LRRK1: variants seen among roughly 807,000 people sequenced by gnomAD.
LRRK1 encodes the protein leucine rich repeat kinase 1.
LRRK1 carries 113 observed loss-of-function variants against 209.1 expected under a neutral mutation model. The ratio of observed to expected loss-of-function variants is 0.54; its 90% CI spans 0.46 to 0.63. LRRK1 has a LOEUF of 0.63. LRRK1 is among the 30% of genes least tolerant of loss of function. The pLI is 0.00. For missense variants in LRRK1, 2,284 were observed against 2,632.2 expected (o/e 0.87, Z 2.89); for synonymous variants, 1,144 against 1,099.7 (o/e 1.04, Z -0.80).
rs1242827493 is a variant in LRRK1 at position 101,014,321 on chromosome 15, C to T, written c.1425C>T (p.Leu475=). 3 of 1,610,664 alleles carry T rather than the reference C, an allele frequency of 1.9e-6. No individual in the cohort carries two copies. The highest frequency in any genetic ancestry group is 2.2e-5 in the East Asian group (1 of 44,858). The change falls in exon 11 of 34, where the codon CTC becomes CTT. Residue 475 remains leucine, a synonymous_variant. Transcript: ENST00000388948. ...TCCCTCCCTCTCTCTCTCAGGCCCT[C>T]ATGTTCTTGAGGTTACAGGGGAACC... The part of the protein sequence containing the change: ...VPLGLFQLDA[L]MFLRLQGNQL...
At chr15:100,930,695 T>G (rs2042196097) in intron 2 of LRRK1, among the ~76,000 whole-genome samples, 1 of 152,116 alleles carries the variant, frequency 6.6e-6, no homozygotes, top group Non-Finnish European at 1.5e-5. Context: ...CTGGCCCCCA[T>G]GAAGAGATCA....
At chr15:100,973,520 G>A (rs868232243) in intron 2 of LRRK1, among the ~76,000 whole-genome samples, 29 of 152,204 alleles carry the variant, frequency 1.9e-4, no homozygotes, top group Middle Eastern at 6.8e-3. Flanking sequence ...CCGCTCCCCC[G>A]CGGGCCGCTG....
At position 100,996,108 on chromosome 15, in the gene LRRK1, G is replaced by T. The variant is rs1020457284; in HGVS notation, c.762+6710G>T. ...GTGCTCATGAGAGTGCCTGATGGCT[G>T]GGGGCTGGTGGCCTTTCCTGAGGGA... On this transcript the variant is annotated intron_variant, in intron 6 of 33. Coordinates refer to ENST00000388948, the MANE Select transcript of LRRK1 (RefSeq NM_024652.6). Among the ~76,000 whole-genome samples the T allele has an allele frequency of 3.3e-4, 50 of 152,218 alleles. 2 individuals carry two copies.
intron 10 of LRRK1, 43 bp from the exon 11 acceptor site, chr15:101,014,271 ATC>A: frequency 7.3e-7 from 1 of 1,367,898 alleles, no homozygotes; most frequent in Non-Finnish European, 1.0e-6. Flanking sequence ...CCCTTCTTGT[ATC>A]TGATGCTATC....
chr15:101,049,596 C>T lies in LRRK1; in HGVS notation c.3300-48C>T, dbSNP rs201469343. ...GGGGGTAGGGATATCATCCCAGGGT[C>T]CCCCAGAGCCAGATCGCAATGGGCT... On this transcript the variant is annotated intron_variant, in intron 22 of 33. Transcript: ENST00000388948. 7.5e-6 allele frequency: 12 copies of T among 1,591,930 alleles called. No individual in the cohort carries two copies. The South Asian group carries it at 9.2e-5, about 12-fold the overall frequency.
At chr15:100,936,471 A>C (rs2042301610) in intron 2 of LRRK1, among the ~76,000 whole-genome samples, 1 of 152,248 alleles carries the variant, frequency 6.6e-6, no homozygotes, top group East Asian at 1.9e-4. Flanking sequence ...AATAGGCTTT[A>C]TTAAGAGAAA....
intron 2 of LRRK1, among the ~76,000 whole-genome samples, chr15:100,926,781 TTC>T (rs2042124016): frequency 6.8e-6 from 1 of 147,904 alleles, no homozygotes; most frequent in Non-Finnish European, 1.5e-5. Flanking sequence ...ACCTCCCAGG[TTC>T]AAGTGATTCT....
intron 24 of LRRK1, among the ~76,000 whole-genome samples, chr15:101,052,517 A>C (rs1180109347): frequency 6.6e-6 from 1 of 152,158 alleles, no homozygotes; most frequent in Non-Finnish European, 1.5e-5. Context: ...GGACCCCTCA[A>C]ATCTGTTCTT....
chr15:101,057,328 G>C (rs1476764031), intron 28 of LRRK1, among the ~76,000 whole-genome samples: 9 of 152,176 alleles, frequency 5.9e-5, no homozygotes, highest in Non-Finnish European at 1.5e-5. Flanking sequence ...TAACAATACA[G>C]TCCCTATGCA....
chr15:100,987,348 A>G (rs536360413), intron 4 of LRRK1, among the ~76,000 whole-genome samples: 3 of 152,296 alleles, frequency 2.0e-5, no homozygotes, highest in Admixed American at 2.0e-4. Flanking sequence ...GTGTCCCTGC[A>G]GAAGATGAGG....
intron 6 of LRRK1, among the ~76,000 whole-genome samples, chr15:101,006,235 C>G (rs1457374013): frequency 6.6e-6 from 1 of 152,128 alleles, no homozygotes; most frequent in African/African-American, 2.4e-5. Flanking sequence ...AAATAGCTAA[C>G]TTTAATCTAA....
In LRRK1 at chr15:100,919,474, C is replaced by A. The variant is rs1306001823; in HGVS notation, c.-123+23C>A. 2 of 147,530 alleles carry A rather than the reference C, an allele frequency of 1.4e-5. No individual in the cohort carries two copies. The highest frequency in any genetic ancestry group is 3.0e-5 in the Non-Finnish European group (2 of 66,074). The allele number at this position is 147,530 out of a possible 1,614,324, so 9.1% of individuals were successfully genotyped here. A position where few individuals can be genotyped will look rare whatever the true frequency, so the allele number is the denominator to read the frequency against. On this transcript the variant is annotated intron_variant, in intron 1 of 33. Coordinates refer to ENST00000388948, the MANE Select transcript of LRRK1 (RefSeq NM_024652.6). The surrounding 1 kb of genome is among the most constrained non-coding windows in gnomAD (Gnocchi z 5.8). ...CAGGTAAGCGCCGCTCCTGCCGGCGCCCCCCGGCGGCCTGGCTGCCTCCCG... is the reference window on the plus strand; with the variant it reads ...CAGGTAAGCGCCGCTCCTGCCGGCGACCCCCGGCGGCCTGGCTGCCTCCCG...
intron 10 of LRRK1, among the ~76,000 whole-genome samples, chr15:101,013,264 C>A (rs964917695): frequency 6.6e-6 from 1 of 152,146 alleles, no homozygotes; most frequent in Non-Finnish European, 1.5e-5. Flanking sequence ...TGGGCGGTGG[C>A]GTGAGCCCCT....
intron 6 of LRRK1, among the ~76,000 whole-genome samples, chr15:100,993,976 C>T (rs2141674994): frequency 6.6e-6 from 1 of 152,310 alleles, no homozygotes; most frequent in South Asian, 2.1e-4. Context: ...GTGCACTTAG[C>T]ACAGGCCCTG....
intron 20 of LRRK1, among the ~76,000 whole-genome samples, chr15:101,037,658 A>C (rs2034547133): frequency 6.6e-6 from 1 of 152,082 alleles, no homozygotes; most frequent in Non-Finnish European, 1.5e-5. Context: ...TATGCCACTC[A>C]CACCTTAGCC....
At chr15:100,999,758 G>A (rs1027521699) in intron 6 of LRRK1, among the ~76,000 whole-genome samples, 2 of 152,070 alleles carry the variant, frequency 1.3e-5, no homozygotes, top group Non-Finnish European at 1.5e-5. Flanking sequence ...TTCTCTGATC[G>A]TGTCACTGAT....
At chr15:100,962,824 T>TACATATATATATATA (rs1555461505) in intron 2 of LRRK1, among the ~76,000 whole-genome samples, 4 of 8,434 alleles carry the variant, frequency 4.7e-4, no homozygotes, top group Non-Finnish European at 8.5e-4. Flanking sequence ...TATATATATA[T>TACATATATATATATA]TTTTTTTTTT....
rs898693818 is a variant in LRRK1, at chr15:100,973,983, C to T, written c.261+16C>T. Reference sequence around the variant, plus strand: ...GCTGGAAAAGGTAGGGGAGCGCCTGCCCCTGCGGCCACCCATGCAGCCCCG... The same window carrying T: ...GCTGGAAAAGGTAGGGGAGCGCCTGTCCCTGCGGCCACCCATGCAGCCCCG... On this transcript the variant is annotated intron_variant, in intron 3 of 33. Coordinates refer to ENST00000388948, the MANE Select transcript of LRRK1 (RefSeq NM_024652.6). 4.8e-6 allele frequency: 6 copies of T among 1,245,648 alleles called. No individual in the cohort carries two copies. The highest frequency in any genetic ancestry group is 4.7e-5 in the African/African-American group (3 of 64,442). The allele number at this position is 1,245,648 out of a possible 1,614,324, so 77.2% of individuals were successfully genotyped here.
rs368549166 is a variant in LRRK1 at position 101,010,474 on chromosome 15, C to G, written c.1014C>G (p.Ser338Arg). ...GGCTACTTGAAATTGACATTTCCAGCAACAAGTTGTCCCACCTCCCTCCTG... is the reference window on the plus strand; with the variant it reads ...GGCTACTTGAAATTGACATTTCCAGGAACAAGTTGTCCCACCTCCCTCCTG... ...CSRLLEIDIS[S>R]NKLSHLPPGF... The change falls in exon 8 of 34, where the codon AGC becomes AGG. Residue 338 changes from serine (S) to arginine (R), a missense_variant. This residue lies in a region of LRRK1 where 494 missense variants were observed against 522.1 expected (regional missense o/e 0.95). Transcript: ENST00000388948. 2.0e-5 allele frequency: 32 copies of G among 1,611,672 alleles called. No homozygotes were observed. Among genetic ancestry groups the G allele is most frequent in the Non-Finnish European group, 2.6e-5 (31 of 1,179,340 alleles).
Sources: gnomAD v4.1 joint callset for allele counts (sites outside exome capture counted in the v4.1 genomes callset) on GRCh38, gnomAD v4.1.1 for gene constraint, gnomAD v4.1.1 regional missense constraint, Gnocchi (gnomAD v3.1) non-coding constraint, MANE v1.5 for transcripts, NCBI Gene and HGNC (gene_info 2026-07-23, HGNC 2026-07-21) for gene names.